The following VAV3 variants were observed in gnomAD, a reference collection of about 807,000 sequenced individuals.
The protein encoded by VAV3 is guanine nucleotide exchange factor VAV3.
Under a neutral mutation model 131.2 loss-of-function variants are expected in VAV3, and 94 were observed. That is an observed-to-expected ratio of 0.72 (90% CI 0.61 to 0.85). The LOEUF is 0.85. Among genes scored for constraint, VAV3 ranks in the 40% least tolerant of loss-of-function variants. The pLI is 0.00. For synonymous variants in VAV3, 349 were observed against 342.0 expected, an observed-to-expected ratio of 1.02 and a Z score of -0.22; for missense variants, 939 against 1,002.7, an observed-to-expected ratio of 0.94 and a Z score of 0.86.
chr1:107,602,581 A>T, intron 23 of VAV3, 97 bp from the exon 24 acceptor site: 1 of 924,566 alleles, frequency 1.1e-6, no homozygotes, highest in Non-Finnish European at 1.6e-6. Context: ...TTTAGGAATT[A>T]ATTCTGCAGA....
At chr1:107,885,123 C>T (rs140975283) in intron 1 of VAV3, among the ~76,000 whole-genome samples, 88 of 152,240 alleles carry the variant, frequency 5.8e-4, no homozygotes, top group African/African-American at 1.9e-3. Context: ...GCCAAGAAAA[C>T]AGCTCCCTGT....
rs1456139448 is a variant in VAV3 at position 107,964,747 on chromosome 1, G to A, written c.123C>T (p.Val41=). 1 of 1,614,124 alleles carries A rather than the reference G, an allele frequency of 6.2e-7. No homozygotes were observed. The highest frequency in any genetic ancestry group is 8.5e-7 in the Non-Finnish European group (1 of 1,180,016). Residue 41 remains valine (V), a synonymous_variant, in exon 1 of 27, where the codon GTC becomes GTT. Transcript: ENST00000370056. ...FDLAQTLRDG[V]LLCQLLNNLR... is the part of the protein sequence containing the mutation. Reference sequence around the variant, plus strand: ...GGTTGTTAAGCAGCTGGCAGAGCAGGACTCCATCGCGGAGGGTCTGCGCAA... The same window carrying A: ...GGTTGTTAAGCAGCTGGCAGAGCAGAACTCCATCGCGGAGGGTCTGCGCAA...
At chr1:107,929,030 T>A (rs1673291846) in intron 1 of VAV3, among the ~76,000 whole-genome samples, 1 of 151,672 alleles carries the variant, frequency 6.6e-6, no homozygotes, top group Admixed American at 6.6e-5. Flanking sequence ...AAATAACACA[T>A]AATGGAATTC....
At chr1:107,757,542 CT>C (rs1245144942) in intron 10 of VAV3, among the ~76,000 whole-genome samples, 1 of 152,096 alleles carries the variant, frequency 6.6e-6, no homozygotes, top group Admixed American at 6.6e-5. Flanking sequence ...GAGATATTTT[CT>C]TTTCAAAGAT....
intron 19 of VAV3, chr1:107,668,966 G>GA: frequency 1.0e-6 from 1 of 990,848 alleles, no homozygotes; most frequent in East Asian, 1.1e-4. Context: ...ACTCTTTCGC[G>GA]ATACGGGTGT....
At chr1:107,852,456 C>T (rs1221183883) in intron 2 of VAV3, among the ~76,000 whole-genome samples, 6 of 152,150 alleles carry the variant, frequency 3.9e-5, no homozygotes, top group African/African-American at 1.4e-4. Flanking sequence ...AACATTTTGG[C>T]AAGCTTCCTT....
At chr1:107,878,003 C>A (rs1391634033) in intron 1 of VAV3, among the ~76,000 whole-genome samples, 1 of 152,110 alleles carries the variant, frequency 6.6e-6, no homozygotes, top group Non-Finnish European at 1.5e-5. Context: ...TTTTGCTTTG[C>A]TTTTACCAAA....
intron 15 of VAV3, among the ~76,000 whole-genome samples, chr1:107,709,819 T>C (rs1482478302): frequency 6.6e-6 from 1 of 152,190 alleles, no homozygotes; most frequent in Non-Finnish European, 1.5e-5. Flanking sequence ...ACCATGACTA[T>C]AAGTTTCCTG....
chr1:107,709,380 A>C (rs1390972079), intron 15 of VAV3, among the ~76,000 whole-genome samples: 2 of 152,206 alleles, frequency 1.3e-5, no homozygotes, highest in Admixed American at 1.3e-4. Flanking sequence ...TTGCCACATT[A>C]TCAGATAGAA....
intron 2 of VAV3, among the ~76,000 whole-genome samples, chr1:107,806,625 T>A (rs1424119366): frequency 6.6e-6 from 1 of 152,152 alleles, no homozygotes; most frequent in Non-Finnish European, 1.5e-5. Context: ...AAATCCTCTA[T>A]AATAAAGCAC....
chr1:107,829,541 C>T (rs1454274211), intron 2 of VAV3, among the ~76,000 whole-genome samples: 1 of 152,112 alleles, frequency 6.6e-6, no homozygotes, highest in African/African-American at 2.4e-5. Flanking sequence ...TGTGTGGGCA[C>T]TTCCTTTGCA....
At chr1:107,893,526 G>C (rs1422957949) in intron 1 of VAV3, among the ~76,000 whole-genome samples, 1 of 152,184 alleles carries the variant, frequency 6.6e-6, no homozygotes, top group African/African-American at 2.4e-5. Flanking sequence ...TCATAATCAT[G>C]GCGGAAGGTG....
At chr1:107,858,195 A>G (rs1296019797) in intron 2 of VAV3, among the ~76,000 whole-genome samples, 1 of 152,172 alleles carries the variant, frequency 6.6e-6, no homozygotes, top group Non-Finnish European at 1.5e-5. Flanking sequence ...ACTACAAGAA[A>G]ATTTCCTTGC....
At chr1:107,669,060 T>G in intron 19 of VAV3, 1 of 1,072,250 alleles carries the variant, frequency 9.3e-7, no homozygotes. Context: ...GCTAAGAAGG[T>G]CAAAAAGAAC....
At chr1:107,891,609 C>A (rs866601030) in intron 1 of VAV3, among the ~76,000 whole-genome samples, 3 of 151,852 alleles carry the variant, frequency 2.0e-5, no homozygotes, top group Non-Finnish European at 4.4e-5. Flanking sequence ...GAGGCCGAAG[C>A]GGGTGGATCA....
At chr1:107,651,537 T>C (rs1213250420) in intron 19 of VAV3, among the ~76,000 whole-genome samples, 1 of 59,648 alleles carries the variant, frequency 1.7e-5, no homozygotes, top group African/African-American at 7.2e-5. Context: ...AGAAACAAAG[T>C]AAGGAAGGGA....
At chr1:107,918,892 A>G (rs1672754903) in intron 1 of VAV3, among the ~76,000 whole-genome samples, 1 of 151,676 alleles carries the variant, frequency 6.6e-6, no homozygotes, top group South Asian at 2.1e-4. Context: ...TTTTTAGTAG[A>G]GACAGGGTTT....
intron 25 of VAV3, among the ~76,000 whole-genome samples, chr1:107,575,282 T>C (rs1328600923): frequency 1.3e-5 from 2 of 152,164 alleles, no homozygotes; most frequent in East Asian, 3.8e-4. Context: ...GGAACTTAAG[T>C]GTAAGAAAAA....
At chr1:107,848,661 CACAAG>C (rs769045873) in intron 2 of VAV3, among the ~76,000 whole-genome samples, 1 of 152,140 alleles carries the variant, frequency 6.6e-6, no homozygotes. Flanking sequence ...TGAAAATCAG[CACAAG>C]ACAAGGATGC....
Sources: allele counts gnomAD v4.1 joint callset (sites outside exome capture counted in the v4.1 genomes callset), GRCh38; gene constraint gnomAD v4.1.1; transcripts MANE v1.5; gene names NCBI Gene and HGNC (gene_info 2026-07-23, HGNC 2026-07-21).